Variants in KATNIP observed in about 807,000 individuals in gnomAD.
KATNIP encodes katanin interacting protein, also known as katanin-interacting protein.
KATNIP carries 126 observed loss-of-function variants against 174.0 expected under a neutral mutation model. The observed-to-expected ratio is 0.72, with a 90% CI of 0.63 to 0.84. The LOEUF (loss-of-function observed/expected upper bound fraction) is 0.84, where lower values mean the gene tolerates loss of function less well. Ranked by LOEUF, KATNIP falls within the 40% of genes least tolerant of loss-of-function variation. KATNIP has a pLI of 0.00. For synonymous variants in KATNIP, 810 were observed against 835.7 expected (o/e 0.97, Z 0.53); for missense variants, 1,958 against 2,109.7 (o/e 0.93, Z 1.41).
At chr16:27,672,662 G>A (rs2077964024) in intron 6 of KATNIP, among the ~76,000 whole-genome samples, 1 of 152,196 alleles carries the variant, frequency 6.6e-6, no homozygotes, top group Non-Finnish European at 1.5e-5. Flanking sequence ...TAATCTAGAA[G>A]GAGCAAGGAG....
chr16:27,648,822 A>AGAATAAATAACT, intron 6 of KATNIP, 87 bp downstream of exon 6: 3 of 1,434,374 alleles, frequency 2.1e-6, no homozygotes, highest in Non-Finnish European at 2.9e-6. Flanking sequence ...ACTTTCTGAC[A>AGAATAAATAACT]GTTATTTATT....
intron 1 of KATNIP, among the ~76,000 whole-genome samples, chr16:27,570,353 C>T (rs2090241629): frequency 6.6e-6 from 1 of 151,828 alleles, no homozygotes; most frequent in African/African-American, 2.4e-5. Flanking sequence ...CACCTGAGGT[C>T]AGGAGTTCGA....
At chr16:27,559,814 C>T (rs1221281226) in intron 1 of KATNIP, among the ~76,000 whole-genome samples, 2 of 150,556 alleles carry the variant, frequency 1.3e-5, no homozygotes, top group African/African-American at 2.4e-5. Flanking sequence ...AACCCCGTCT[C>T]TAGTAAAAAT....
intron 2 of KATNIP, among the ~76,000 whole-genome samples, chr16:27,575,035 G>T (rs1254947296): frequency 6.6e-6 from 1 of 152,216 alleles, no homozygotes; most frequent in Non-Finnish European, 1.5e-5. Context: ...AGGACTAGAG[G>T]TTAAGTGAAA....
intron 19 of KATNIP, among the ~76,000 whole-genome samples, chr16:27,763,885 A>G (rs965208917): frequency 2.6e-5 from 4 of 151,970 alleles, no homozygotes; most frequent in African/African-American, 7.3e-5. Context: ...CTGCATCTCT[A>G]TGGTATTGTT....
chr16:27,664,066 C>T, intron 6 of KATNIP, among the ~76,000 whole-genome samples: 1 of 152,152 alleles, frequency 6.6e-6, no homozygotes, highest in East Asian at 1.9e-4. Flanking sequence ...CCCACCTCGC[C>T]CTCCCAAAGT....
intron 13 of KATNIP, among the ~76,000 whole-genome samples, chr16:27,713,651 G>T (rs2079699674): frequency 6.7e-6 from 1 of 148,370 alleles, no homozygotes; most frequent in African/African-American, 2.5e-5. Context: ...TTATGTGTGT[G>T]TATATATATA....
chr16:27,555,939 C>G (rs958133403), intron 1 of KATNIP, among the ~76,000 whole-genome samples: 1 of 151,896 alleles, frequency 6.6e-6, no homozygotes, highest in African/African-American at 2.4e-5. Context: ...ACCAGCCTGG[C>G]CAAGATGGTG....
intron 8 of KATNIP, among the ~76,000 whole-genome samples, chr16:27,690,562 G>A (rs1333505765): frequency 6.6e-6 from 1 of 152,182 alleles, no homozygotes; most frequent in African/African-American, 2.4e-5. Flanking sequence ...CAGGTAGCCT[G>A]ATGACGTTGG....
At chr16:27,655,045 C>T (rs1483460963) in intron 6 of KATNIP, among the ~76,000 whole-genome samples, 1 of 151,448 alleles carries the variant, frequency 6.6e-6, no homozygotes, top group Non-Finnish European at 1.5e-5. Context: ...CGGAGGATCA[C>T]TTGAGTCCAG....
At chr16:27,728,462 G>A (rs553019670) in intron 14 of KATNIP, among the ~76,000 whole-genome samples, 1 of 152,116 alleles carries the variant, frequency 6.6e-6, no homozygotes, top group African/African-American at 2.4e-5. Context: ...AGACAGTCTC[G>A]CTTTGTCACC....
intron 6 of KATNIP, among the ~76,000 whole-genome samples, chr16:27,671,928 C>T (rs962685938): frequency 3.3e-5 from 5 of 152,080 alleles, no homozygotes; most frequent in Non-Finnish European, 4.4e-5. Context: ...TGGTGGCGGG[C>T]GCCTGTGATC....
At chr16:27,753,712 C>CCCTTCCTTCCTTCCTTCCTT (rs1004853590) in intron 17 of KATNIP, among the ~76,000 whole-genome samples, 3 of 151,122 alleles carry the variant, frequency 2.0e-5, no homozygotes, top group African/African-American at 7.3e-5. Flanking sequence ...CTTCCACTTC[C>CCCTTCCTTCCTTCCTTCCTT]CCTTCCTTCC....
intron 8 of KATNIP, among the ~76,000 whole-genome samples, chr16:27,696,541 G>C (rs1323431544): frequency 1.3e-5 from 2 of 152,040 alleles, no homozygotes; most frequent in Non-Finnish European, 2.9e-5. Flanking sequence ...TCCCCTGCTA[G>C]TATCCGTGTG....
In KATNIP at chr16:27,648,778, G is replaced by A. The variant is rs762028523; in HGVS notation, c.540+43G>A. 1.8e-5 allele frequency: 28 copies of A among 1,595,714 alleles called. 1 individual carries two copies. The highest frequency in any genetic ancestry group is 8.8e-5 in the Admixed American group (5 of 56,696). ...CTTGTGCTCGGGACACCTGAAGGAC[G>A]GCGAGGCTCGGTGCTGCAGTGGCCC... On this transcript the variant is annotated intron_variant, in intron 6 of 27. Transcript: ENST00000261588.
chr16:27,702,173 G>T (rs1410705139), intron 11 of KATNIP, among the ~76,000 whole-genome samples: 3 of 152,142 alleles, frequency 2.0e-5, no homozygotes, highest in African/African-American at 7.2e-5. Context: ...TAGGCATATG[G>T]CTCTTATCTT....
chr16:27,737,491 G>T (rs1006720251), intron 14 of KATNIP, among the ~76,000 whole-genome samples: 1 of 152,154 alleles, frequency 6.6e-6, no homozygotes, highest in Admixed American at 6.5e-5. Flanking sequence ...GAGAGGTCAG[G>T]GTTGGAGATG....
chr16:27,561,186 A>AT (rs77583757), intron 1 of KATNIP, among the ~76,000 whole-genome samples: 1,430 of 124,052 alleles, frequency 0.012, 16 homozygotes, highest in African/African-American at 0.029. Context: ...TAATTTTTGT[A>AT]TTTTTTTTTT....
intron 1 of KATNIP, among the ~76,000 whole-genome samples, chr16:27,565,578 G>A (rs2090053295): frequency 6.6e-6 from 1 of 152,072 alleles, no homozygotes; most frequent in Non-Finnish European, 1.5e-5. Context: ...TTGAATCCAG[G>A]AGTTTGAGCC....
Sources: gnomAD v4.1 joint callset for allele counts (sites outside exome capture counted in the v4.1 genomes callset) on GRCh38, gnomAD v4.1.1 for gene constraint, MANE v1.5 for transcripts, NCBI Gene and HGNC (gene_info 2026-07-23, HGNC 2026-07-21) for gene names.